Variants in CNTN5 observed in about 807,000 individuals in gnomAD.
CNTN5 encodes contactin 5.
CNTN5 carries 77 observed loss-of-function variants against 129.1 expected under a neutral mutation model. That is an observed-to-expected ratio of 0.60 (90% CI 0.50 to 0.72). The LOEUF (loss-of-function observed/expected upper bound fraction) is 0.72. CNTN5 is among the 30% of genes least tolerant of loss of function. The pLI, the probability that CNTN5 is intolerant of heterozygous loss-of-function variation, is 0.00. For synonymous variants in CNTN5, 509 were observed against 465.6 expected, an observed-to-expected ratio of 1.09 and a Z score of -1.20; for missense variants, 1,478 against 1,328.8, an observed-to-expected ratio of 1.11 and a Z score of -1.75.
intron 9 of CNTN5, among the ~76,000 whole-genome samples, chr11:100,019,314 T>G (rs1380918078): frequency 1.3e-5 from 2 of 151,978 alleles, no homozygotes; most frequent in Non-Finnish European, 2.9e-5. Flanking sequence ...TGAATTAATT[T>G]TTGTATGATA....
chr11:99,763,437 A>G lies in CNTN5; in HGVS notation c.56-56107A>G, dbSNP rs1944653412. On this transcript the variant is annotated intron_variant, in intron 3 of 24. Coordinates refer to ENST00000524871, the MANE Select transcript of CNTN5 (RefSeq NM_014361.4). The stretch of plus-strand genomic sequence containing the variant: ...GATTTTAGCAATTTATCTTTTTAAT[A>G]TTAAAAGAGAATCTTTTTTGCTGAT... Among the ~76,000 whole-genome samples the G allele has an allele frequency of 2.6e-5, 4 of 152,146 alleles. 1 individual carries two copies. The South Asian group carries it at 8.3e-4, about 31-fold the overall frequency.
rs114895309 is a variant in CNTN5 at position 99,901,689 on chromosome 11, A to G, written c.578-14365A>G. Among the ~76,000 whole-genome samples, 968 of 152,342 alleles carry G rather than the reference A, an allele frequency of 6.4e-3. 8 individuals carry two copies. The highest frequency in any genetic ancestry group is 0.022 in the African/African-American group (921 of 41,586). The stretch of plus-strand genomic sequence containing the variant: ...GAGATTTATTCATTCAGGAATATCT[A>G]TTAAGTACCTAATATGGTGCTTGGC... On this transcript the variant is annotated intron_variant, in intron 6 of 24. Coordinates refer to ENST00000524871, the MANE Select transcript of CNTN5 (RefSeq NM_014361.4).
chr11:99,191,684 A>G (rs1858650596), intron 1 of CNTN5, among the ~76,000 whole-genome samples: 1 of 151,866 alleles, frequency 6.6e-6, no homozygotes, highest in African/African-American at 2.4e-5. Context: ...TCACAAATAC[A>G]TCACAATTAA....
intron 3 of CNTN5, among the ~76,000 whole-genome samples, chr11:99,556,845 T>C (rs1442630702): frequency 6.6e-6 from 1 of 150,950 alleles, no homozygotes; most frequent in Non-Finnish European, 1.5e-5. Context: ...TATTTTTCTA[T>C]ATCTTGACTC....
chr11:100,341,221 C>T lies in CNTN5; in HGVS notation c.3030+16C>T, dbSNP rs772821223. On this transcript the variant is annotated intron_variant, in intron 23 of 24. Transcript: ENST00000524871. The stretch of plus-strand genomic sequence containing the variant: ...GGGTTACAAGGTCAGTATTTCTTCA[C>T]TCTTTTGCATAGATACTCATCTCCG... 1.3e-6 allele frequency: 2 copies of T among 1,551,814 alleles called. No homozygotes were observed. Among genetic ancestry groups the T allele is most frequent in the East Asian group, 2.2e-5 (1 of 44,584 alleles).
intron 3 of CNTN5, among the ~76,000 whole-genome samples, chr11:99,778,828 T>C (rs1230446708): frequency 2.0e-5 from 3 of 150,428 alleles, no homozygotes; most frequent in Non-Finnish European, 4.5e-5. Flanking sequence ...TGAATTTAAT[T>C]GAAATTAATA....
chr11:100,309,786 G>A, intron 21 of CNTN5: 5 of 761,478 alleles, frequency 6.6e-6, no homozygotes, highest in Middle Eastern at 6.8e-4. Context: ...CTCTATGGAG[G>A]AGGGACACGT....
chr11:100,047,823 CAGAT>C (rs1216520202), intron 9 of CNTN5, among the ~76,000 whole-genome samples: 2 of 139,528 alleles, frequency 1.4e-5, no homozygotes, highest in African/African-American at 5.6e-5. Flanking sequence ...ATTGAGGACA[CAGAT>C]AGAATTTTTA....
At chr11:99,140,505 C>T (rs1396330565) in intron 1 of CNTN5, among the ~76,000 whole-genome samples, 1 of 146,238 alleles carries the variant, frequency 6.8e-6, no homozygotes, top group African/African-American at 2.5e-5. Flanking sequence ...TACCCGATAG[C>T]TCAGACTAGG....
intron 3 of CNTN5, among the ~76,000 whole-genome samples, chr11:99,611,240 C>G (rs1235812680): frequency 6.6e-6 from 1 of 152,124 alleles, no homozygotes; most frequent in Admixed American, 6.6e-5. Flanking sequence ...CCCATAATAA[C>G]TACATCAAAA....
At chr11:99,100,487 A>G (rs1207248377) in intron 1 of CNTN5, among the ~76,000 whole-genome samples, 1 of 152,142 alleles carries the variant, frequency 6.6e-6, no homozygotes, top group Non-Finnish European at 1.5e-5. Context: ...ACTCTATATT[A>G]AATATTGTAA....
chr11:99,098,607 A>C (rs967679271), intron 1 of CNTN5, among the ~76,000 whole-genome samples: 7 of 152,146 alleles, frequency 4.6e-5, no homozygotes, highest in African/African-American at 1.7e-4. Context: ...CTGAGGGAAG[A>C]AAACGATAGT....
chr11:99,935,725 T>G (rs1349713784), intron 7 of CNTN5, among the ~76,000 whole-genome samples: 2 of 152,008 alleles, frequency 1.3e-5, no homozygotes, highest in Non-Finnish European at 2.9e-5. Flanking sequence ...TCAAAAAGAG[T>G]GTAACAATAT....
chr11:99,750,476 A>G (rs561365569), intron 3 of CNTN5, among the ~76,000 whole-genome samples: 1 of 151,976 alleles, frequency 6.6e-6, no homozygotes, highest in Non-Finnish European at 1.5e-5. Flanking sequence ...TCCAGGAATA[A>G]TGTGTTTAAA....
In CNTN5 at chr11:99,841,101, T is replaced by G. The variant is rs560948199; in HGVS notation, c.278-3751T>G. ...GTTTAACTTGGCATTTGAAATACTT[T>G]CTTTTTCACATTTCTATTTACTGTC... On this transcript the variant is annotated intron_variant, in intron 4 of 24. Coordinates refer to ENST00000524871, the MANE Select transcript of CNTN5 (RefSeq NM_014361.4). Among the ~76,000 whole-genome samples, 21 of 152,276 alleles carry G rather than the reference T, an allele frequency of 1.4e-4. No individual in the cohort carries two copies. The South Asian group carries it at 2.7e-3, about 20-fold the overall frequency.
intron 3 of CNTN5, among the ~76,000 whole-genome samples, chr11:99,645,851 C>T (rs867650021): frequency 1.2e-4 from 19 of 152,172 alleles, no homozygotes; most frequent in South Asian, 8.3e-4. Context: ...ATGTAAATGA[C>T]GGGTTGATAG....
intron 13 of CNTN5, among the ~76,000 whole-genome samples, chr11:100,145,426 G>A (rs529919671): frequency 1.3e-5 from 2 of 152,034 alleles, no homozygotes; most frequent in African/African-American, 4.8e-5. Flanking sequence ...AAATGATGAT[G>A]CGTTTAAATT....
chr11:99,928,116 A>T (rs895779332), intron 7 of CNTN5, among the ~76,000 whole-genome samples: 1 of 152,204 alleles, frequency 6.6e-6, no homozygotes, highest in Non-Finnish European at 1.5e-5. Flanking sequence ...CTTTGACTAC[A>T]TGTCCAACAT....
At chr11:99,942,132 C>G (rs1950452625) in intron 7 of CNTN5, among the ~76,000 whole-genome samples, 1 of 152,054 alleles carries the variant, frequency 6.6e-6, no homozygotes, top group South Asian at 2.1e-4. Context: ...ACATAACACT[C>G]TTTTCAAAAT....
Sources: gnomAD v4.1 joint callset for allele counts (sites outside exome capture counted in the v4.1 genomes callset) on GRCh38, gnomAD v4.1.1 for gene constraint, MANE v1.5 for transcripts, NCBI Gene and HGNC (gene_info 2026-07-23, HGNC 2026-07-21) for gene names.